The following UBE2D3 variants were observed in gnomAD, a reference collection of about 807,000 sequenced individuals.
UBE2D3 encodes ubiquitin-conjugating enzyme E2 D3.
A neutral mutation model predicts 22.8 loss-of-function variants in UBE2D3; 2 were observed. The observed-to-expected ratio is 0.09, with a 90% CI of 0.04 to 0.28. The LOEUF (loss-of-function observed/expected upper bound fraction) is 0.28. Among genes scored for constraint, UBE2D3 ranks in the 10% least tolerant of loss-of-function variants. The probability of loss-of-function intolerance (pLI) is 1.00; values close to 1 mark genes in which losing one functional copy is unlikely to be tolerated. For synonymous variants in UBE2D3, 56 were observed against 60.4 expected (o/e 0.93, Z 0.34); for missense variants, 27 against 182.5 (o/e 0.15, Z 4.91).
chr4:102,826,638 T>A lies in UBE2D3; in HGVS notation c.-128-2A>T. 1 of 1,569,658 alleles carries A rather than the reference T, an allele frequency of 6.4e-7. No homozygotes were observed. ...ACCAGCTCTGCCAGACACAGGCGCC[T>A]TTTGCAAAAACGGAGCAGATCAGCA... On this transcript the variant is annotated splice_acceptor_variant, in intron 1 of 7. Coordinates refer to ENST00000453744, the MANE Select transcript of UBE2D3 (RefSeq NM_181891.3). LOFTEE classifies it low-confidence loss of function (5UTR_SPLICE).
At chr4:102,822,575 G>GTA (rs1161210675) in intron 2 of UBE2D3, among the ~76,000 whole-genome samples, 2 of 152,304 alleles carry the variant, frequency 1.3e-5, no homozygotes, top group African/African-American at 4.8e-5. Flanking sequence ...TTACTTAGAT[G>GTA]TATAAGTGGG....
At chr4:102,799,086 C>T (rs953274349) in intron 7 of UBE2D3, 4 of 1,220,932 alleles carry the variant, frequency 3.3e-6, no homozygotes, top group East Asian at 5.0e-5. Flanking sequence ...CAAATTTTTA[C>T]AATAGTACTA....
intron 7 of UBE2D3, among the ~76,000 whole-genome samples, chr4:102,797,765 T>G (rs2110239467): frequency 6.6e-6 from 1 of 152,128 alleles, no homozygotes; most frequent in South Asian, 2.1e-4. Context: ...GCTCTAATTT[T>G]AACGTGAAGA....
At chr4:102,827,920 C>G, upstream of UBE2D3, 1 of 985,556 alleles carries the variant, frequency 1.0e-6, no homozygotes, top group Non-Finnish European at 1.2e-6. Context: ...CGCCCCTCCC[C>G]ACAGCGTCCC....
Position 102,801,414 on chromosome 4 carries a change from T to A in UBE2D3, c.304+40A>T, listed in dbSNP as rs770024011. 2.0e-6 allele frequency: 3 copies of A among 1,532,034 alleles called. No individual in the cohort carries two copies. In the East Asian group the frequency reaches 6.8e-5, roughly 35 times the overall value. 94.9% of individuals were successfully genotyped at this position (1,532,034 alleles called of 1,614,324 possible). ...AAGTAGATCTAAGAATGAAGCTTTA[T>A]TAGACAATGAGAACAGCTTATTTCA... On this transcript the variant is annotated intron_variant, in intron 6 of 7. Coordinates refer to ENST00000453744, the MANE Select transcript of UBE2D3 (RefSeq NM_181891.3).
chr4:102,837,733 C>T (rs373689382), intron 1 of UBE2D3, among the ~76,000 whole-genome samples: 2 of 152,206 alleles, frequency 1.3e-5, no homozygotes, highest in Non-Finnish European at 2.9e-5. Flanking sequence ...GGGCGGATCA[C>T]GAGGTCAGGA....
chr4:102,831,349 T>C (rs371329899), upstream of UBE2D3, among the ~76,000 whole-genome samples: 1 of 152,220 alleles, frequency 6.6e-6, no homozygotes, highest in Non-Finnish European at 1.5e-5. Flanking sequence ...CTTTATTTCA[T>C]GCTAAGATGT....
chr4:102,798,279 A>AATATATATATAT (rs10526258), intron 7 of UBE2D3, among the ~76,000 whole-genome samples: 3,222 of 111,804 alleles, frequency 0.029, 225 homozygotes, highest in Middle Eastern at 0.04. Context: ...TTAAGAAATG[A>AATATATATATAT]ATATATATAT....
intron 2 of UBE2D3, chr4:102,811,179 C>G (rs1426509468): frequency 6.6e-6 from 1 of 152,146 alleles, no homozygotes; most frequent in Admixed American, 6.5e-5. Context: ...AAGGGAGACC[C>G]CCGTCTCTTC....
intron 1 of UBE2D3, among the ~76,000 whole-genome samples, chr4:102,852,731 A>G (rs112403667): frequency 5.3e-5 from 8 of 152,292 alleles, no homozygotes; most frequent in African/African-American, 1.2e-4. Flanking sequence ...ATGTATTTCT[A>G]TAGAACAGAT....
chr4:102,813,579 T>C (rs965158417), intron 2 of UBE2D3, among the ~76,000 whole-genome samples: 4 of 152,114 alleles, frequency 2.6e-5, no homozygotes, highest in Admixed American at 2.0e-4. Context: ...GAAAAGTATA[T>C]ATACAAGTTG....
At chr4:102,808,057 T>C (rs1032124746) in intron 4 of UBE2D3, among the ~76,000 whole-genome samples, 5 of 152,232 alleles carry the variant, frequency 3.3e-5, no homozygotes, top group African/African-American at 7.2e-5. Flanking sequence ...AGGCATTTTA[T>C]AGCATTCTTT....
intron 1 of UBE2D3, among the ~76,000 whole-genome samples, chr4:102,850,500 T>C (rs925695690): frequency 2.0e-5 from 3 of 152,186 alleles, no homozygotes; most frequent in African/African-American, 4.8e-5. Context: ...AAGGAATTTC[T>C]CTTTCTTCCT....
intron 7 of UBE2D3, chr4:102,799,112 C>A: frequency 1.0e-6 from 1 of 1,003,134 alleles, no homozygotes; most frequent in South Asian, 1.6e-5. Context: ...TTTGGAAAAA[C>A]ATGCTTGGGG....
At chr4:102,805,852 T>A (rs757524430) in intron 4 of UBE2D3, among the ~76,000 whole-genome samples, 6 of 152,190 alleles carry the variant, frequency 3.9e-5, no homozygotes, top group Non-Finnish European at 7.4e-5. Flanking sequence ...AATCCCTTTT[T>A]TCCTGTTTAT....
At chr4:102,825,143 T>C in intron 2 of UBE2D3, 1 of 577,960 alleles carries the variant, frequency 1.7e-6, no homozygotes, top group Non-Finnish European at 2.2e-6. Context: ...GCAAATGTAG[T>C]ATCAGGTCTA....
At chr4:102,820,694 A>G (rs561628443) in intron 2 of UBE2D3, among the ~76,000 whole-genome samples, 2 of 152,322 alleles carry the variant, frequency 1.3e-5, no homozygotes, top group South Asian at 2.1e-4. Flanking sequence ...CTGCTCCATG[A>G]AAGCAAGAAG....
intron 2 of UBE2D3, chr4:102,819,616 TC>T (rs1729273919): frequency 3.0e-6 from 3 of 985,104 alleles, no homozygotes; most frequent in Middle Eastern, 5.2e-4. Context: ...CTAGGTTTCA[TC>T]CCCCCAAGGC....
At position 102,796,436 on chromosome 4, in the gene UBE2D3, C is replaced by T. The variant is rs1725277739; in HGVS notation, c.*979G>A. On this transcript the variant is annotated 3_prime_UTR_variant, in exon 8 of 8. Transcript: ENST00000453744. ...GTGTCAACCTGTAACAGACTGTGCA[C>T]TTTAACTGAACATGGCAAAATATTC... 1.3e-5 allele frequency: 2 copies of T among 152,428 alleles called. No homozygotes were observed. The highest frequency in any genetic ancestry group is 2.1e-4 in the South Asian group (1 of 4,832). 9.4% of individuals were successfully genotyped at this position (152,428 alleles called of 1,614,324 possible).
Sources: gnomAD v4.1 joint callset for allele counts (sites outside exome capture counted in the v4.1 genomes callset) on GRCh38, gnomAD v4.1.1 for gene constraint, MANE v1.5 for transcripts, NCBI Gene and HGNC (gene_info 2026-07-23, HGNC 2026-07-21) for gene names.